BCL2L13: variants seen among roughly 807,000 people sequenced by gnomAD.
BCL2L13 encodes the protein bcl-2-like protein 13.
BCL2L13 carries 13 observed loss-of-function variants against 25.8 expected under a neutral mutation model. That is an observed-to-expected ratio of 0.50 (90% CI 0.33 to 0.80). The LOEUF (loss-of-function observed/expected upper bound fraction) is 0.80, where lower values mean the gene tolerates loss of function less well. BCL2L13 is among the 30% of genes least tolerant of loss of function. The pLI, the probability that BCL2L13 is intolerant of heterozygous loss-of-function variation, is 0.02. For missense variants in BCL2L13, 504 were observed against 574.9 expected (o/e 0.88, Z 1.26); for synonymous variants, 244 against 230.3 (o/e 1.06, Z -0.54).
intron 2 of BCL2L13, among the ~76,000 whole-genome samples, chr22:17,664,415 AC>A (rs35852549): frequency 0.16 from 23,918 of 150,768 alleles, 2,227 homozygotes; most frequent in Non-Finnish European, 0.21. Flanking sequence ...ATATATAGCC[AC>A]CCCCCCCCGG....
chr22:17,655,580 C>G, intron 1 of BCL2L13, 82 bp from the exon 2 acceptor site: 2 of 1,161,590 alleles, frequency 1.7e-6, no homozygotes, highest in Non-Finnish European at 2.4e-6. Context: ...AAAAGAGTTG[C>G]ACAAGACATT....
intron 2 of BCL2L13, among the ~76,000 whole-genome samples, chr22:17,661,380 C>T (rs918144548): frequency 3.4e-5 from 5 of 145,990 alleles, no homozygotes; most frequent in South Asian, 4.3e-4. Context: ...TGTGAGCCAC[C>T]GTGCCTGGCC....
At chr22:17,641,566 G>A (rs12167771) in intron 1 of BCL2L13, among the ~76,000 whole-genome samples, 51,143 of 151,830 alleles carry the variant, frequency 0.34, 9,380 homozygotes, top group African/African-American at 0.43. Flanking sequence ...TATAATTAAC[G>A]TACCATACAA....
At position 17,729,482 on chromosome 22, in the gene BCL2L13, G is replaced by A. The variant is rs534337392; in HGVS notation, c.*1948G>A. 9.9e-5 allele frequency: 15 copies of A among 152,250 alleles called. No homozygotes were observed. The highest frequency in any genetic ancestry group is 2.4e-4 in the African/African-American group (10 of 41,548). 9.4% of individuals were successfully genotyped at this position (152,250 alleles called of 1,614,324 possible). A position where few individuals can be genotyped will look rare whatever the true frequency, so the allele number is the denominator to read the frequency against. Reference sequence around the variant, plus strand: ...GCATAGGTGAAGAGCAAACTGGTGCGTTATCTTGATTTTTAAAAAGTAATA... The same window carrying A: ...GCATAGGTGAAGAGCAAACTGGTGCATTATCTTGATTTTTAAAAAGTAATA... On this transcript the variant is annotated 3_prime_UTR_variant, in exon 7 of 7. Coordinates refer to ENST00000317582, the MANE Select transcript of BCL2L13 (RefSeq NM_015367.4).
At position 17,730,613 on chromosome 22, in the gene BCL2L13, T is replaced by G. The variant is rs1370799805; in HGVS notation, c.*3079T>G. 2.6e-5 allele frequency: 4 copies of G among 152,162 alleles called. No homozygotes were observed. Among genetic ancestry groups the G allele is most frequent in the Non-Finnish European group, 5.9e-5 (4 of 68,042 alleles). The allele number at this position is 152,162 out of a possible 1,614,324, so 9.4% of individuals were successfully genotyped here. ...TGTTTTATAGAAATAAAACGTTTTGTAGCTAAGAATTTTCCCTTTCTCTTA... is the reference window on the plus strand; with the variant it reads ...TGTTTTATAGAAATAAAACGTTTTGGAGCTAAGAATTTTCCCTTTCTCTTA... On this transcript the variant is annotated 3_prime_UTR_variant, in exon 7 of 7. Coordinates refer to ENST00000317582, the MANE Select transcript of BCL2L13 (RefSeq NM_015367.4).
At chr22:17,694,121 A>G (rs933599037) in intron 4 of BCL2L13, among the ~76,000 whole-genome samples, 1 of 152,230 alleles carries the variant, frequency 6.6e-6, no homozygotes, top group African/African-American at 2.4e-5. Flanking sequence ...TTTTTAATCT[A>G]TTAATTTTTA....
intron 6 of BCL2L13, chr22:17,702,617 T>C (rs536604025): frequency 3.6e-4 from 127 of 354,526 alleles, no homozygotes; most frequent in African/African-American, 2.3e-3. Context: ...TGTGCCGTGC[T>C]CTATCCCGTA....
At chr22:17,722,404 T>TGTGTGCGTGC (rs2061170369) in intron 6 of BCL2L13, among the ~76,000 whole-genome samples, 1 of 151,534 alleles carries the variant, frequency 6.6e-6, no homozygotes, top group African/African-American at 2.4e-5. Flanking sequence ...TGTGTGTGTG[T>TGTGTGCGTGC]GTGTGTGTGT....
In BCL2L13 at chr22:17,727,367, A is replaced by G. The variant is rs778881285; in HGVS notation, c.1291A>G (p.Lys431Glu). ...GGAAGAGCTGTCCCCTGCCAGCGAG[A>G]AGAAGCCCGTGCCGCCGTCTGAGGG... is the stretch of plus-strand genomic sequence containing the variant. ...LVEELSPASE[K>E]KPVPPSEGKS... is the part of the protein sequence containing the mutation. The change falls in exon 7 of 7, where the codon AAG becomes GAG. Residue 431 changes from lysine to glutamate, a missense_variant. By Grantham distance (56) the Lys-to-Glu change is moderately conservative. Transcript: ENST00000317582. 11 of 1,614,126 alleles carry G rather than the reference A, an allele frequency of 6.8e-6. No individual in the cohort carries two copies. In the East Asian group the frequency reaches 2.2e-4, roughly 33 times the overall value.
intron 5 of BCL2L13, among the ~76,000 whole-genome samples, chr22:17,698,820 G>A (rs1248323067): frequency 6.6e-6 from 1 of 152,066 alleles, no homozygotes; most frequent in Non-Finnish European, 1.5e-5. Context: ...CCCAGCCCCC[G>A]ACAACAATGA....
intron 2 of BCL2L13, among the ~76,000 whole-genome samples, chr22:17,673,787 A>AT (rs1016084301): frequency 6.6e-6 from 1 of 151,900 alleles, no homozygotes; most frequent in Non-Finnish European, 1.5e-5. Context: ...GGAACTTTGT[A>AT]TTTTTTTAAT....
At chr22:17,703,945 C>T (rs544362282) in intron 6 of BCL2L13, among the ~76,000 whole-genome samples, 1 of 152,300 alleles carries the variant, frequency 6.6e-6, no homozygotes, top group African/African-American at 2.4e-5. Flanking sequence ...TATGCACTCC[C>T]TTCTCAACTT....
intron 1 of BCL2L13, among the ~76,000 whole-genome samples, chr22:17,646,885 A>T (rs13057611): frequency 0.23 from 18,031 of 77,264 alleles, 1,825 homozygotes; most frequent in Non-Finnish European, 0.29. Flanking sequence ...ACGCCCAGCT[A>T]ATTTGTGTGT....
chr22:17,719,721 C>T (rs2061049004), intron 6 of BCL2L13, among the ~76,000 whole-genome samples: 1 of 151,110 alleles, frequency 6.6e-6, no homozygotes, highest in African/African-American at 2.4e-5. Flanking sequence ...CCCAGCTACT[C>T]AGGAGGCTGA....
At chr22:17,721,867 A>G (rs1443401886) in intron 6 of BCL2L13, among the ~76,000 whole-genome samples, 2 of 151,330 alleles carry the variant, frequency 1.3e-5, no homozygotes, top group East Asian at 1.9e-4. Flanking sequence ...TCACCGTGTT[A>G]GCCAGGATGG....
chr22:17,691,870 T>C (rs1022913258), intron 4 of BCL2L13, among the ~76,000 whole-genome samples: 1 of 152,122 alleles, frequency 6.6e-6, no homozygotes, highest in Non-Finnish European at 1.5e-5. Flanking sequence ...CAAATTCTAT[T>C]TAAAGGAGAA....
chr22:17,665,178 C>T (rs927609152), intron 2 of BCL2L13, among the ~76,000 whole-genome samples: 2 of 152,186 alleles, frequency 1.3e-5, no homozygotes, highest in Non-Finnish European at 2.9e-5. Context: ...CCTAAATCAT[C>T]TGTCTCAGGT....
At chr22:17,673,533 A>ATTTTTT (rs34253686) in intron 2 of BCL2L13, among the ~76,000 whole-genome samples, 3 of 131,074 alleles carry the variant, frequency 2.3e-5, no homozygotes, top group Non-Finnish European at 4.9e-5. Flanking sequence ...ATGCCTGGCA[A>ATTTTTT]TTTTTTTTTT....
intron 2 of BCL2L13, among the ~76,000 whole-genome samples, chr22:17,659,700 C>T (rs896613381): frequency 6.9e-6 from 1 of 145,350 alleles, no homozygotes; most frequent in South Asian, 2.1e-4. Context: ...AGAAACAAAC[C>T]TGAAATGATG....
Sources: allele counts gnomAD v4.1 joint callset (sites outside exome capture counted in the v4.1 genomes callset), GRCh38; gene constraint gnomAD v4.1.1; transcripts MANE v1.5; gene names NCBI Gene and HGNC (gene_info 2026-07-23, HGNC 2026-07-21).